Variants in RBFOX1 observed in about 807,000 individuals in gnomAD.
RBFOX1 encodes the protein RNA binding protein fox-1 homolog 1.
In RBFOX1, 8 loss-of-function variants were observed where a neutral mutation model predicts 57.7. That is an observed-to-expected ratio of 0.14 (90% CI 0.08 to 0.25). The LOEUF (loss-of-function observed/expected upper bound fraction) is 0.25, where lower values mean the gene tolerates loss of function less well. Among genes scored for constraint, RBFOX1 ranks in the 10% least tolerant of loss-of-function variants. RBFOX1 has a pLI of 1.00. For missense variants in RBFOX1, 611 were observed against 548.5 expected, an observed-to-expected ratio of 1.11 and a Z score of -1.14; for synonymous variants, 326 against 222.4, an observed-to-expected ratio of 1.47 and a Z score of -4.15.
intron 3 of RBFOX1, among the ~76,000 whole-genome samples, chr16:6,898,987 CATAT>C (rs1360886681): frequency 6.9e-6 from 1 of 145,584 alleles, no homozygotes; most frequent in Non-Finnish European, 1.5e-5. Flanking sequence ...TGTATGTGTG[CATAT>C]ATATAATGCG....
At chr16:7,526,378 C>G (rs1032552686) in intron 5 of RBFOX1, among the ~76,000 whole-genome samples, 1 of 152,170 alleles carries the variant, frequency 6.6e-6, no homozygotes, top group Non-Finnish European at 1.5e-5. Context: ...AAGGCCTGGC[C>G]TCTGGACTTG....
intron 11 of RBFOX1, among the ~76,000 whole-genome samples, chr16:7,647,525 G>C (rs2063985598): frequency 6.9e-6 from 1 of 145,842 alleles, no homozygotes; most frequent in Non-Finnish European, 1.5e-5. Context: ...TTACATGTGA[G>C]TTAACTTGAA....
intron 1 of RBFOX1, among the ~76,000 whole-genome samples, chr16:5,313,688 A>T (rs1263453768): frequency 6.6e-6 from 1 of 151,626 alleles, no homozygotes; most frequent in Admixed American, 6.6e-5. Flanking sequence ...GTGTAGGGGA[A>T]CTCCTCTTTT....
Position 6,174,319 on chromosome 16 carries a change from G to A in RBFOX1, c.-126-142676G>A, listed in dbSNP as rs1210910699. 2.6e-5 allele frequency among the ~76,000 whole-genome samples: 4 copies of A among 152,212 alleles called. No homozygotes were observed. The East Asian group carries it at 7.7e-4, about 29-fold the overall frequency. On this transcript the variant is annotated intron_variant, in intron 1 of 15. Transcript: ENST00000550418. ...TTGAGAATACAAAAGTTAGGGCCGG[G>A]CACGGTGGCTCATGCCTGTCATCTG...
exon 3 of RBFOX1, chr16:5,599,033 C>A: frequency 1.5e-6 from 2 of 1,296,964 alleles, no homozygotes; most frequent in South Asian, 1.3e-5. Flanking sequence ...CCTCTTTGGT[C>A]TCCGTCATCA....
intron 4 of RBFOX1, among the ~76,000 whole-genome samples, chr16:7,225,964 A>G (rs12449203): frequency 0.043 from 6,284 of 147,416 alleles, 188 homozygotes; most frequent in Middle Eastern, 0.068. Context: ...GGAATAGCTG[A>G]ATCAAGGTGA....
At chr16:7,159,144 T>A (rs2077754343) in intron 4 of RBFOX1, among the ~76,000 whole-genome samples, 1 of 152,188 alleles carries the variant, frequency 6.6e-6, no homozygotes, top group Non-Finnish European at 1.5e-5. Flanking sequence ...TGGCTTCTTT[T>A]TCTCTGCATA....
At chr16:7,364,371 A>G (rs997552952) in intron 4 of RBFOX1, among the ~76,000 whole-genome samples, 1 of 152,298 alleles carries the variant, frequency 6.6e-6, no homozygotes, top group East Asian at 1.9e-4. Context: ...AAGAGGAAAA[A>G]AAATGACTAC....
rs56303844 is a variant in RBFOX1, at chr16:6,819,732, T to C, written c.-16+165082T>C. Among the ~76,000 whole-genome samples the C allele has an allele frequency of 9.7e-4, 74 of 76,174 alleles. 7 individuals are homozygous for C. The highest frequency in any genetic ancestry group is 2.9e-3 in the African/African-American group (60 of 20,428). 50.0% of individuals were successfully genotyped at this position (76,174 alleles called of 152,430 possible). On this transcript the variant is annotated intron_variant, in intron 3 of 15. Coordinates refer to ENST00000550418, the MANE Select transcript of RBFOX1 (RefSeq NM_018723.4). ...AAAAAAAAAAAAAAAAAAAAAAAAA[T>C]AACAACACCAAAAGGTATATAGTAT...
chr16:5,875,397 A>G (rs2057579497), intron 4 of RBFOX1, among the ~76,000 whole-genome samples: 1 of 152,136 alleles, frequency 6.6e-6, no homozygotes, highest in South Asian at 2.1e-4. Flanking sequence ...AGTCCCAGTG[A>G]GTGGTGAAAC....
intron 1 of RBFOX1, among the ~76,000 whole-genome samples, chr16:5,282,271 A>C (rs1300621010): frequency 6.6e-6 from 1 of 152,220 alleles, no homozygotes; most frequent in South Asian, 2.1e-4. Flanking sequence ...AAGTCCATTA[A>C]ACCTTTATCT....
intron 4 of RBFOX1, among the ~76,000 whole-genome samples, chr16:7,434,261 G>A (rs527865860): frequency 6.6e-6 from 1 of 152,040 alleles, no homozygotes; most frequent in Non-Finnish European, 1.5e-5. Context: ...CACGACTTCA[G>A]AAGATCGAGA....
At chr16:7,150,414 G>T (rs1028852648) in intron 4 of RBFOX1, among the ~76,000 whole-genome samples, 1 of 152,142 alleles carries the variant, frequency 6.6e-6, no homozygotes, top group Non-Finnish European at 1.5e-5. Context: ...TCCCCGGGCT[G>T]TATTTGAAAA....
chr16:7,040,481 C>T (rs78266709), intron 3 of RBFOX1, among the ~76,000 whole-genome samples: 1 of 152,016 alleles, frequency 6.6e-6, no homozygotes. Flanking sequence ...ATTTATAAAA[C>T]TGATGCATGC....
chr16:7,525,613 G>A (rs370161608), intron 5 of RBFOX1, among the ~76,000 whole-genome samples: 5 of 152,114 alleles, frequency 3.3e-5, no homozygotes, highest in Admixed American at 6.5e-5. Flanking sequence ...ATGTCCCTGC[G>A]GACTCTGTGT....
chr16:5,422,556 A>G (rs2067372144), intron 1 of RBFOX1, among the ~76,000 whole-genome samples: 3 of 48,018 alleles, frequency 6.2e-5, no homozygotes, highest in Non-Finnish European at 7.7e-5. Context: ...AGGGAGGGGG[A>G]AGAAAGGGGA....
At chr16:6,232,245 C>T (rs540687344) in intron 1 of RBFOX1, among the ~76,000 whole-genome samples, 103 of 152,196 alleles carry the variant, frequency 6.8e-4, no homozygotes, top group Admixed American at 1.1e-3. Flanking sequence ...ACCGGCTGGA[C>T]GGAATGTCAC....
rs1376097751 is a variant in RBFOX1 at position 5,543,725 on chromosome 16, T to C, written c.259-55177T>C. On this transcript the variant is annotated intron_variant, in intron 2 of 2. Transcript: ENST00000585867. ...AGAAGAGACACGAAGAAAACTACTCTAGGCACATCATAATCAAGTGTTCAA... is the reference window on the plus strand; with the variant it reads ...AGAAGAGACACGAAGAAAACTACTCCAGGCACATCATAATCAAGTGTTCAA... Among the ~76,000 whole-genome samples, 3 of 152,070 alleles carry C rather than the reference T, an allele frequency of 2.0e-5. No individual in the cohort carries two copies. In the South Asian group the frequency reaches 6.2e-4, roughly 31 times the overall value.
At chr16:7,378,330 C>A (rs980866871) in intron 4 of RBFOX1, among the ~76,000 whole-genome samples, 2 of 152,240 alleles carry the variant, frequency 1.3e-5, no homozygotes, top group Admixed American at 1.3e-4. Flanking sequence ...CTTTCAGGGT[C>A]TACGGTTTAG....
Sources: gnomAD v4.1 joint callset for allele counts (sites outside exome capture counted in the v4.1 genomes callset) on GRCh38, gnomAD v4.1.1 for gene constraint, MANE v1.5 for transcripts, NCBI Gene and HGNC (gene_info 2026-07-23, HGNC 2026-07-21) for gene names.